The following PDGFRA variants were observed in gnomAD, a reference collection of about 807,000 sequenced individuals.
PDGFRA encodes the protein platelet-derived growth factor receptor alpha.
In PDGFRA, 25 loss-of-function variants were observed where a neutral mutation model predicts 121.5. That is an observed-to-expected ratio of 0.21 (90% CI 0.15 to 0.29). The LOEUF is 0.29. Ranked by LOEUF, PDGFRA falls within the 10% of genes least tolerant of loss-of-function variation. The pLI is 1.00. For synonymous variants in PDGFRA, 463 were observed against 494.8 expected (o/e 0.94, Z 0.85); for missense variants, 1,008 against 1,345.1 (o/e 0.75, Z 3.92).
At chr4:54,293,683 G>A (rs1270765160) in intron 22 of PDGFRA, among the ~76,000 whole-genome samples, 2 of 152,018 alleles carry the variant, frequency 1.3e-5, no homozygotes, top group Admixed American at 6.6e-5. Context: ...TGCCGGTCTC[G>A]GCCTCCCAAG....
At chr4:54,258,592 C>T (rs1338956160) in intron 1 of PDGFRA, among the ~76,000 whole-genome samples, 165 bp from the exon 2 acceptor site, 2 of 152,180 alleles carry the variant, frequency 1.3e-5, no homozygotes, top group Non-Finnish European at 2.9e-5. Context: ...TTGATTCTTT[C>T]ATCTTTCAGG....
chr4:54,271,994 C>T (rs1723423489), intron 8 of PDGFRA, among the ~76,000 whole-genome samples: 1 of 19,690 alleles, frequency 5.1e-5, no homozygotes, highest in Non-Finnish European at 9.4e-5. Context: ...CTCCCCTCCC[C>T]CCTCCCCCCC....
At chr4:54,236,715 A>T (rs1417064490) in intron 1 of PDGFRA, among the ~76,000 whole-genome samples, 2 of 152,118 alleles carry the variant, frequency 1.3e-5, no homozygotes, top group Admixed American at 1.3e-4. Context: ...AGACAGGAGA[A>T]TCGCTTGAAC....
intron 10 of PDGFRA, among the ~76,000 whole-genome samples, chr4:54,274,055 GTC>G (rs1480335020): frequency 5.3e-5 from 8 of 152,174 alleles, no homozygotes; most frequent in Non-Finnish European, 2.9e-5. Context: ...TATAGCTACA[GTC>G]TCTACTTTGA....
intron 13 of PDGFRA, 21 bp from the exon 14 acceptor site, chr4:54,277,875 T>A (rs369052620): frequency 1.3e-6 from 2 of 1,518,892 alleles, no homozygotes; most frequent in Non-Finnish European, 1.8e-6. Flanking sequence ...TGGACTGATA[T>A]GTGATTTATT....
At chr4:54,284,875 CTATCTTTT>C (rs1418887788) in intron 16 of PDGFRA, among the ~76,000 whole-genome samples, 8 of 104,116 alleles carry the variant, frequency 7.7e-5, no homozygotes, top group Admixed American at 6.1e-4. Context: ...TTCATTCTTT[CTATCTTTT>C]TTTTTTTTTT....
At position 54,229,312 on chromosome 4, in the gene PDGFRA, G is replaced by T; in HGVS notation, c.-116G>T. ...GAGCCCATTACTGTTGGAGCTACAG[G>T]GAGAGAAACAGAGGAGGAGACTGCA... On this transcript the variant is annotated 5_prime_UTR_variant, in exon 1 of 23. Transcript: ENST00000257290. 2.6e-6 allele frequency: 1 copy of T among 387,786 alleles called. No homozygotes were observed. The highest frequency in any genetic ancestry group is 3.6e-5 in the East Asian group (1 of 27,828). The allele number at this position is 387,786 out of a possible 1,614,324, so 24.0% of individuals were successfully genotyped here.
chr4:54,293,966 C>G (rs1478110857), intron 22 of PDGFRA, among the ~76,000 whole-genome samples: 1 of 149,492 alleles, frequency 6.7e-6, no homozygotes, highest in Non-Finnish European at 1.5e-5. Context: ...CCCATCAGAA[C>G]ATTATTTTGG....
At chr4:54,239,955 A>G in intron 1 of PDGFRA, 1 of 245,290 alleles carries the variant, frequency 4.1e-6, no homozygotes, top group East Asian at 1.4e-4. Flanking sequence ...GGCTCAAGTG[A>G]TCCTTCCACC....
rs5858264 is a variant in PDGFRA at position 54,284,879 on chromosome 4, C to CTTTTTTTTTTTTTTTTTTTTTT, written c.2324-491_2324-470dup. On this transcript the variant is annotated intron_variant, in intron 16 of 22. Coordinates refer to ENST00000257290, the MANE Select transcript of PDGFRA (RefSeq NM_006206.6). Reference sequence around the variant, plus strand: ...CTTTCCTTTCTTTCATTCTTTCTATCTTTTTTTTTTTTTTTTTTTTTTGAG... The same window carrying CTTTTTTTTTTTTTTTTTTTTTT: ...CTTTCCTTTCTTTCATTCTTTCTATCTTTTTTTTTTTTTTTTTTTTTTTTTTTTTTTTTTTTTTTTTTTTGAG... Among the ~76,000 whole-genome samples, 6 of 101,248 alleles carry CTTTTTTTTTTTTTTTTTTTTTT rather than the reference C, an allele frequency of 5.9e-5. 2 individuals carry two copies. Among genetic ancestry groups the CTTTTTTTTTTTTTTTTTTTTTT allele is most frequent in the East Asian group, 3.0e-4 (1 of 3,286 alleles). The allele number at this position is 101,248 out of a possible 152,430, so 66.4% of individuals were successfully genotyped here.
At position 54,288,916 on chromosome 4, in the gene PDGFRA, C is replaced by T. The variant is rs763546890; in HGVS notation, c.2774+18C>T. ...AGTGAAGTGTGAGCTCCTTCCCCAT[C>T]CCGGGGGCCTGTGTTCACAGTCTGT... On this transcript the variant is annotated intron_variant, in intron 20 of 22. Coordinates refer to ENST00000257290, the MANE Select transcript of PDGFRA (RefSeq NM_006206.6). 1 of 1,566,042 alleles carries T rather than the reference C, an allele frequency of 6.4e-7. No homozygotes were observed.
chr4:54,240,734 G>A (rs1014047969), intron 1 of PDGFRA, among the ~76,000 whole-genome samples: 6 of 152,310 alleles, frequency 3.9e-5, no homozygotes, highest in South Asian at 2.1e-4. Context: ...CAGAGAACTC[G>A]TCACTAGGGT....
At chr4:54,240,093 T>C (rs1721220187) in intron 1 of PDGFRA, 2 of 405,546 alleles carry the variant, frequency 4.9e-6, no homozygotes, top group East Asian at 8.8e-5. Flanking sequence ...GCTCAAATGA[T>C]CTGCCTGCCT....
Position 54,288,790 on chromosome 4 carries a change from G to C in PDGFRA, c.2675-9G>C. 1 of 1,534,790 alleles carries C rather than the reference G, an allele frequency of 6.5e-7. No individual in the cohort carries two copies. Among genetic ancestry groups the C allele is most frequent in the South Asian group, 1.1e-5 (1 of 89,438 alleles). Reference sequence around the variant, plus strand: ...TGTTAGTCCTGGTGTTTTATTGTTTGGCTTTTAGGTGGCACCCCTTACCCC... The same window carrying C: ...TGTTAGTCCTGGTGTTTTATTGTTTCGCTTTTAGGTGGCACCCCTTACCCC... On this transcript the variant is annotated splice_polypyrimidine_tract_variant and intron_variant, in intron 19 of 22. Coordinates refer to ENST00000257290, the MANE Select transcript of PDGFRA (RefSeq NM_006206.6).
intron 1 of PDGFRA, among the ~76,000 whole-genome samples, chr4:54,255,843 A>C (rs973376612): frequency 5.3e-5 from 8 of 151,910 alleles, no homozygotes; most frequent in Admixed American, 3.9e-4. Context: ...AACAACAACA[A>C]ACAGTTTATT....
At chr4:54,242,133 C>T (rs1159188233) in intron 1 of PDGFRA, among the ~76,000 whole-genome samples, 2 of 152,146 alleles carry the variant, frequency 1.3e-5, no homozygotes, top group South Asian at 2.1e-4. Flanking sequence ...TTTGTTCTTT[C>T]ATGGTGGTGG....
intron 7 of PDGFRA, among the ~76,000 whole-genome samples, 183 bp from the exon 8 acceptor site, chr4:54,270,450 T>C (rs1366737008): frequency 1.3e-5 from 2 of 152,168 alleles, no homozygotes; most frequent in Non-Finnish European, 2.9e-5. Context: ...ATTGTGTGTA[T>C]GATCCAGACC....
At chr4:54,231,379 A>AT (rs1352689747) in intron 1 of PDGFRA, among the ~76,000 whole-genome samples, 3 of 152,146 alleles carry the variant, frequency 2.0e-5, no homozygotes, top group Admixed American at 6.5e-5. Flanking sequence ...AACTAGACAG[A>AT]TTTTTGGAGC....
chr4:54,247,971 G>C lies in PDGFRA; in HGVS notation c.-12-10786G>C, dbSNP rs574962228. On this transcript the variant is annotated intron_variant, in intron 1 of 22. Transcript: ENST00000257290. ...CGTGAGTGAACTCCCATTCACAATT[G>C]CTTCAAAGAGAATAAAATACCTAGG... Among the ~76,000 whole-genome samples, 381 of 152,236 alleles carry C rather than the reference G, an allele frequency of 2.5e-3. 1 individual carries two copies. Among genetic ancestry groups the C allele is most frequent in the African/African-American group, 9.0e-3 (375 of 41,540 alleles).
Sources: gnomAD v4.1 joint callset for allele counts (sites outside exome capture counted in the v4.1 genomes callset) on GRCh38, gnomAD v4.1.1 for gene constraint, MANE v1.5 for transcripts, NCBI Gene and HGNC (gene_info 2026-07-23, HGNC 2026-07-21) for gene names.